The following ACACA variants were observed in gnomAD, a reference collection of about 807,000 sequenced individuals.
ACACA encodes the protein acetyl-CoA carboxylase alpha, also known as acetyl-CoA carboxylase 1.
ACACA carries 103 observed loss-of-function variants against 296.1 expected under a neutral mutation model. The ratio of observed to expected loss-of-function variants is 0.35; its 90% CI spans 0.30 to 0.41. ACACA has a LOEUF of 0.41. Ranked by LOEUF, ACACA falls within the 10% of genes least tolerant of loss-of-function variation. ACACA has a pLI of 1.00. For synonymous variants in ACACA, 953 were observed against 1,038.6 expected (o/e 0.92, Z 1.58); for missense variants, 1,554 against 2,989.7 (o/e 0.52, Z 11.20).
At chr17:37,351,932 T>C (rs1400799628) in intron 1 of ACACA, among the ~76,000 whole-genome samples, 4 of 149,730 alleles carry the variant, frequency 2.7e-5, no homozygotes, top group Middle Eastern at 3.2e-3. Flanking sequence ...GCTGCATTTT[T>C]TTTTTTTTTT....
intron 6 of ACACA, 46 bp downstream of exon 6, chr17:37,277,849 AT>A (rs1253317888): frequency 6.8e-7 from 1 of 1,461,900 alleles, no homozygotes; most frequent in African/African-American, 1.4e-5. Flanking sequence ...GTGCCTAACT[AT>A]AAAATGGCTG....
In ACACA at chr17:37,235,003, T is replaced by C. The variant is rs764365600; in HGVS notation, c.3218A>G (p.Lys1073Arg). ...AAGCATTGTGACCAGAAGATTCTTC[T>C]TGGTGACTTGAGCGTGAGAGAAGAT... Reference protein sequence around the residue: ...NYIFSHAQVTKKNLLVTMLID... With the variant: ...NYIFSHAQVTRKNLLVTMLID... The change falls in exon 25 of 56, where the codon AAG (lysine) becomes AGG (arginine). Residue 1073 changes from lysine (K) to arginine (R), a missense_variant. Lys to Arg is a conservative substitution (Grantham distance 26). Coordinates refer to ENST00000616317, the MANE Select transcript of ACACA (RefSeq NM_198834.3). 1.2e-6 allele frequency: 2 copies of C among 1,613,982 alleles called. No individual in the cohort carries two copies. The highest frequency in any genetic ancestry group is 1.7e-5 in the Admixed American group (1 of 60,024).
intron 2 of ACACA, among the ~76,000 whole-genome samples, chr17:37,332,396 T>C (rs2047925027): frequency 6.6e-6 from 1 of 152,022 alleles, no homozygotes; most frequent in Non-Finnish European, 1.5e-5. Context: ...TCTTCTGTCA[T>C]CTCAAAAATC....
rs985833385 is a variant in ACACA, at chr17:37,319,071, C to T, written c.338+11102G>A. Among the ~76,000 whole-genome samples the T allele has an allele frequency of 3.9e-5, 6 of 152,130 alleles. No homozygotes were observed. In the East Asian group the frequency reaches 1.2e-3, roughly 29 times the overall value. The stretch of plus-strand genomic sequence containing the variant: ...GTTTCTCTATATGCTACCAAATTTT[C>T]ACTAGCAATCATATACTTTCATGAT... On this transcript the variant is annotated intron_variant, in intron 3 of 55. Coordinates refer to ENST00000616317, the MANE Select transcript of ACACA (RefSeq NM_198834.3).
chr17:37,184,143 T>A (rs1308321927), intron 39 of ACACA, among the ~76,000 whole-genome samples: 8 of 152,136 alleles, frequency 5.3e-5, no homozygotes, highest in Non-Finnish European at 1.0e-4. Context: ...TGAGCCACCA[T>A]GCCCAGCCAG....
chr17:37,356,346 G>C (rs2049139817), intron 1 of ACACA, among the ~76,000 whole-genome samples: 1 of 151,956 alleles, frequency 6.6e-6, no homozygotes. Context: ...TACGGGTTTG[G>C]AAAGATACTT....
intron 29 of ACACA, among the ~76,000 whole-genome samples, chr17:37,220,480 A>C (rs2079233097): frequency 1.3e-5 from 2 of 152,186 alleles, no homozygotes; most frequent in African/African-American, 4.8e-5. Context: ...GAAAAGAAAG[A>C]AGACTGAGTG....
chr17:37,163,027 T>C, intron 41 of ACACA: 1 of 155,072 alleles, frequency 6.4e-6, no homozygotes, highest in Non-Finnish European at 1.4e-5. Flanking sequence ...TGCTGCCAGC[T>C]GGCGGTCAAA....
At chr17:37,350,507 G>A (rs985433497) in intron 1 of ACACA, among the ~76,000 whole-genome samples, 8 of 151,978 alleles carry the variant, frequency 5.3e-5, no homozygotes, top group Non-Finnish European at 8.8e-5. Context: ...GCAAAAGAGC[G>A]AGACCCTGTC....
chr17:37,334,277 C>T (rs1047759427), intron 2 of ACACA, among the ~76,000 whole-genome samples: 4 of 152,008 alleles, frequency 2.6e-5, no homozygotes, highest in Admixed American at 2.0e-4. Flanking sequence ...TGGGCTTGAC[C>T]GAGAGACAGC....
rs545396812 is a variant in ACACA, at chr17:37,181,301, T to C, written c.4832A>G (p.Asn1611Ser). The C allele has an allele frequency of 1.9e-6, 3 of 1,614,062 alleles. No individual in the cohort carries two copies. Among genetic ancestry groups the C allele is most frequent in the Admixed American group, 1.7e-5 (1 of 60,008 alleles). ...KQGPLHGMLI[N>S]TPYVTKDLLQ... ...CAGGTCTTTGGTCACATATGGAGTA[T>C]TGATTAACATTCCATGCAGTGGTCC... Residue 1611 changes from asparagine (N) to serine (S), a missense_variant, in exon 40 of 56, where the codon AAT (asparagine) becomes AGT (serine). Physicochemically the swap from Asn to Ser is conservative, Grantham distance 46 (BLOSUM62 1). Around this residue, in one of 16 missense-constraint regions of ACACA, gnomAD observed 553 missense variants for 1,043.6 expected, o/e 0.53. Coordinates refer to ENST00000616317, the MANE Select transcript of ACACA (RefSeq NM_198834.3).
intron 3 of ACACA, chr17:37,299,241 GAT>G: frequency 6.3e-7 from 1 of 1,592,952 alleles, no homozygotes; most frequent in Non-Finnish European, 8.6e-7. Context: ...TTTTTTTAAA[GAT>G]ATATATATTA....
intron 45 of ACACA, among the ~76,000 whole-genome samples, chr17:37,132,408 A>G (rs113411752): frequency 0.025 from 3,830 of 152,312 alleles, 73 homozygotes; most frequent in Middle Eastern, 0.058. Flanking sequence ...TACAGAGGCC[A>G]CGCTCTGATC....
intron 3 of ACACA, among the ~76,000 whole-genome samples, chr17:37,308,583 G>C (rs772223415): frequency 1.3e-5 from 2 of 151,960 alleles, no homozygotes; most frequent in Non-Finnish European, 2.9e-5. Context: ...CACCCAGAAA[G>C]ACATGAAAAT....
chr17:37,392,095 G>C, intron 1 of ACACA: 1 of 215,694 alleles, frequency 4.6e-6, no homozygotes, highest in Non-Finnish European at 9.4e-6. Context: ...CAGCTCCTCT[G>C]TTATCTTCAC....
chr17:37,388,962 C>A (rs533343910), intron 1 of ACACA, among the ~76,000 whole-genome samples: 31 of 152,304 alleles, frequency 2.0e-4, no homozygotes, highest in Non-Finnish European at 4.3e-4. Context: ...ACTGTTCTAA[C>A]CTCAGTGGCC....
chr17:37,326,149 C>A (rs2047609828), intron 3 of ACACA, among the ~76,000 whole-genome samples: 1 of 144,604 alleles, frequency 6.9e-6, no homozygotes, highest in African/African-American at 2.6e-5. Context: ...GCGGAGGTTG[C>A]AGTGGGCTGA....
At chr17:37,268,729 CTATCTATCTATCTATA>C (rs1338145858) in intron 10 of ACACA, among the ~76,000 whole-genome samples, 73 of 111,050 alleles carry the variant, frequency 6.6e-4, no homozygotes, top group Admixed American at 1.9e-3. Flanking sequence ...ATCTATCTAT[CTATCTATCTATCTATA>C]TATATATATA....
At chr17:37,258,399 T>G (rs774986699) in intron 12 of ACACA, 26 bp from the exon 13 acceptor site, 7 of 1,612,238 alleles carry the variant, frequency 4.3e-6, no homozygotes, top group Non-Finnish European at 5.9e-6. Flanking sequence ...ACACACATCT[T>G]TAATTTTTCA....
Sources: gnomAD v4.1 joint callset for allele counts (sites outside exome capture counted in the v4.1 genomes callset) on GRCh38, gnomAD v4.1.1 for gene constraint, gnomAD v4.1.1 regional missense constraint, MANE v1.5 for transcripts, NCBI Gene and HGNC (gene_info 2026-07-23, HGNC 2026-07-21) for gene names.